Variants in CPEB3 observed in about 807,000 individuals in gnomAD.
CPEB3 encodes cytoplasmic polyadenylation element-binding protein 3.
Under a neutral mutation model 67.2 loss-of-function variants are expected in CPEB3, and 20 were observed. The ratio of observed to expected loss-of-function variants is 0.30; its 90% CI spans 0.21 to 0.43. The LOEUF (loss-of-function observed/expected upper bound fraction) is 0.43. Ranked by LOEUF, CPEB3 falls within the 20% of genes least tolerant of loss-of-function variation. CPEB3 has a pLI of 1.00. For missense variants in CPEB3, 746 were observed against 968.6 expected, an observed-to-expected ratio of 0.77 and a Z score of 3.05; for synonymous variants, 376 against 393.1, an observed-to-expected ratio of 0.96 and a Z score of 0.51.
intron 4 of CPEB3, among the ~76,000 whole-genome samples, chr10:92,178,166 T>TC (rs541287366): frequency 2.1e-4 from 32 of 151,698 alleles, no homozygotes; most frequent in African/African-American, 7.2e-4. Context: ...TATTCCTTTT[T>TC]TTTTTTTTTT....
chr10:92,092,679 C>T (rs928767475), intron 7 of CPEB3, among the ~76,000 whole-genome samples: 6 of 151,976 alleles, frequency 3.9e-5, no homozygotes, highest in Admixed American at 2.6e-4. Context: ...ACTCAGGAGG[C>T]TGAGGCATGA....
In CPEB3 at chr10:92,239,800, G is replaced by C. The variant is rs768807376; in HGVS notation, c.551C>G (p.Ala184Gly). ...QPAQPAQPPQAQPPQQRRSPA... is the reference protein window; with the variant it reads ...QPAQPAQPPQGQPPQQRRSPA... ...TGAGCGGCGCTGCTGCGGGGGCTGC[G>C]CCTGTGGTGGCTGCGCTGGCTGTGC... The change falls in exon 2 of 10, where the codon GCG becomes GGG. Residue 184 changes from alanine to glycine, a missense_variant. Physicochemically the swap from Ala to Gly is moderately conservative, Grantham distance 60 (BLOSUM62 0). Transcript: ENST00000265997. The surrounding 1 kb of genome is among the most constrained non-coding windows in gnomAD (Gnocchi z 6.0). 7.1e-7 allele frequency: 1 copy of C among 1,418,030 alleles called. No homozygotes were observed. Among genetic ancestry groups the C allele is most frequent in the Non-Finnish European group, 9.2e-7 (1 of 1,091,682 alleles). 87.8% of individuals were successfully genotyped at this position (1,418,030 alleles called of 1,614,324 possible). A position where few individuals can be genotyped will look rare whatever the true frequency, so the allele number is the denominator to read the frequency against.
In CPEB3 at chr10:92,106,770, G is replaced by A. The variant is rs1201907020; in HGVS notation, c.1572+4306C>T. 8.9e-5 allele frequency among the ~76,000 whole-genome samples: 11 copies of A among 124,258 alleles called. No homozygotes were observed. In the Admixed American group the frequency reaches 1.2e-3, roughly 13 times the overall value. 81.5% of individuals were successfully genotyped at this position (124,258 alleles called of 152,430 possible). On this transcript the variant is annotated intron_variant, in intron 7 of 9. Transcript: ENST00000265997. ...GCAGAGGTTGCAGTGTGCTGAGATC[G>A]CACCACTGCACTCCAGCCTAGGCAA...
intron 4 of CPEB3, among the ~76,000 whole-genome samples, chr10:92,154,839 A>G (rs984332993): frequency 1.3e-5 from 2 of 152,244 alleles, no homozygotes; most frequent in African/African-American, 2.4e-5. Context: ...GGAGAGGTGT[A>G]AAAGTCCACT....
At chr10:92,218,358 G>T (rs1850533899) in intron 2 of CPEB3, among the ~76,000 whole-genome samples, 2 of 152,190 alleles carry the variant, frequency 1.3e-5, no homozygotes, top group African/African-American at 4.8e-5. Flanking sequence ...AGTGAGCTGA[G>T]ATCGCGCCAC....
Position 92,048,805 on chromosome 10 carries a change from A to G in CPEB3, c.*3407T>C, listed in dbSNP as rs1246568745. 6.6e-6 allele frequency: 1 copy of G among 152,654 alleles called. No homozygotes were observed. The highest frequency in any genetic ancestry group is 1.5e-5 in the Non-Finnish European group (1 of 68,034). 9.5% of individuals were successfully genotyped at this position (152,654 alleles called of 1,614,324 possible). A position where few individuals can be genotyped will look rare whatever the true frequency, so the allele number is the denominator to read the frequency against. ...TAGACACTTTAGTAACAATATTACAAAGGTTTTAGCTTCAAAAATAACTGA... is the reference window on the plus strand; with the variant it reads ...TAGACACTTTAGTAACAATATTACAGAGGTTTTAGCTTCAAAAATAACTGA... On this transcript the variant is annotated 3_prime_UTR_variant, in exon 10 of 10. Coordinates refer to ENST00000265997, the MANE Select transcript of CPEB3 (RefSeq NM_014912.5). The surrounding 1 kb of genome is among the most constrained non-coding windows in gnomAD (Gnocchi z 4.1).
intron 6 of CPEB3, among the ~76,000 whole-genome samples, chr10:92,116,263 A>AT (rs201990316): frequency 0.036 from 4,057 of 111,250 alleles, 71 homozygotes; most frequent in Non-Finnish European, 0.05. Flanking sequence ...AAAAAAAAAA[A>AT]AAAATAATAA....
intron 1 of CPEB3, chr10:92,272,253 T>G (rs1853339762): frequency 6.6e-6 from 1 of 152,164 alleles, no homozygotes; most frequent in Non-Finnish European, 1.5e-5. Flanking sequence ...GGACAGACTC[T>G]CATCATTTTT....
At chr10:92,086,681 G>C (rs1843388505) in intron 8 of CPEB3, among the ~76,000 whole-genome samples, 1 of 152,148 alleles carries the variant, frequency 6.6e-6, no homozygotes, top group Non-Finnish European at 1.5e-5. Context: ...GTTTTGTCCA[G>C]GGTTCTTGCC....
At chr10:92,180,908 T>C (rs1251253440) in intron 4 of CPEB3, 55 bp downstream of exon 4, 1 of 905,978 alleles carries the variant, frequency 1.1e-6, no homozygotes, top group Non-Finnish European at 1.9e-6. Flanking sequence ...ATGTAGAAAC[T>C]ACATGCTGCA....
intron 4 of CPEB3, among the ~76,000 whole-genome samples, chr10:92,155,129 A>G (rs1260540501): frequency 6.6e-6 from 1 of 152,156 alleles, no homozygotes; most frequent in Non-Finnish European, 1.5e-5. Context: ...GAATCACTTG[A>G]ACCCGTGAGG....
At chr10:92,064,668 G>A (rs1006719722) in intron 9 of CPEB3, among the ~76,000 whole-genome samples, 3 of 152,170 alleles carry the variant, frequency 2.0e-5, no homozygotes, top group African/African-American at 7.2e-5. Flanking sequence ...GACATTGTCA[G>A]AAGGACCTGA....
At chr10:92,258,131 T>A (rs1852605695) in intron 1 of CPEB3, among the ~76,000 whole-genome samples, 1 of 149,652 alleles carries the variant, frequency 6.7e-6, no homozygotes, top group Admixed American at 6.7e-5. Flanking sequence ...CAAGTCTCGC[T>A]CTGTCACCCA....
intron 4 of CPEB3, among the ~76,000 whole-genome samples, chr10:92,165,296 A>G (rs1847683273): frequency 6.6e-6 from 1 of 152,154 alleles, no homozygotes; most frequent in South Asian, 2.1e-4. Flanking sequence ...TGGGTGACAC[A>G]GCAGGACCCT....
chr10:92,084,281 G>A (rs1036625719), intron 8 of CPEB3, among the ~76,000 whole-genome samples: 23 of 151,926 alleles, frequency 1.5e-4, no homozygotes, highest in African/African-American at 4.8e-4. Flanking sequence ...GGATTAGATC[G>A]TGACTGATGT....
At chr10:92,273,107 A>G (rs1389962946) in intron 1 of CPEB3, among the ~76,000 whole-genome samples, 1 of 152,208 alleles carries the variant, frequency 6.6e-6, no homozygotes, top group African/African-American at 2.4e-5. Context: ...GAATGTGGTA[A>G]GAGAGAAGGA....
At chr10:92,065,115 C>T (rs1019413312) in intron 9 of CPEB3, among the ~76,000 whole-genome samples, 5 of 152,246 alleles carry the variant, frequency 3.3e-5, no homozygotes, top group African/African-American at 1.2e-4. Context: ...CCAGAGCTCA[C>T]TGCCATGATA....
rs180854700 is a variant in CPEB3, at chr10:92,121,696, G to A, written c.1454-10502C>T. Among the ~76,000 whole-genome samples, 812 of 152,066 alleles carry A rather than the reference G, an allele frequency of 5.3e-3. 3 individuals carry two copies. Among genetic ancestry groups the A allele is most frequent in the Non-Finnish European group, 9.0e-3 (611 of 67,998 alleles). ...TGGAAAAAAAAAAATTCAGCTTGTG[G>A]AGCTGTATCCTGAACCACTGCAGCA... On this transcript the variant is annotated intron_variant, in intron 6 of 9. Transcript: ENST00000265997.
At chr10:92,118,702 C>A (rs1845165856) in intron 6 of CPEB3, 1 of 714,840 alleles carries the variant, frequency 1.4e-6, no homozygotes, top group African/African-American at 1.8e-5. Context: ...GCCTCCGAGC[C>A]CACTTTAGCC....
Sources: gnomAD v4.1 joint callset for allele counts (sites outside exome capture counted in the v4.1 genomes callset) on GRCh38, gnomAD v4.1.1 for gene constraint, Gnocchi (gnomAD v3.1) non-coding constraint, MANE v1.5 for transcripts, NCBI Gene and HGNC (gene_info 2026-07-23, HGNC 2026-07-21) for gene names.